CCSER1: variants seen among roughly 807,000 people sequenced by gnomAD.
CCSER1 encodes the protein coiled-coil serine rich protein 1.
CCSER1 carries 41 observed loss-of-function variants against 82.0 expected under a neutral mutation model. The ratio of observed to expected loss-of-function variants is 0.50; its 90% CI spans 0.39 to 0.65. The LOEUF is 0.65. Among genes scored for constraint, CCSER1 ranks in the 30% least tolerant of loss-of-function variants. CCSER1 has a pLI of 0.00. For synonymous variants in CCSER1, 414 were observed against 383.9 expected (o/e 1.08, Z -0.92); for missense variants, 1,119 against 1,064.2 (o/e 1.05, Z -0.72).
At chr4:91,521,708 C>T (rs1050133451) in intron 10 of CCSER1, among the ~76,000 whole-genome samples, 1 of 152,118 alleles carries the variant, frequency 6.6e-6, no homozygotes, top group Admixed American at 6.5e-5. Flanking sequence ...ATATTCTTTG[C>T]CCACTTTTTG....
At chr4:91,303,550 C>G (rs1744824602) in intron 10 of CCSER1, among the ~76,000 whole-genome samples, 1 of 151,962 alleles carries the variant, frequency 6.6e-6, no homozygotes, top group South Asian at 2.1e-4. Context: ...CTTTGGGAGG[C>G]TGAAGTGGGA....
chr4:90,916,920 A>G (rs1237471464), intron 8 of CCSER1, among the ~76,000 whole-genome samples: 2 of 152,180 alleles, frequency 1.3e-5, no homozygotes, highest in Admixed American at 6.5e-5. Flanking sequence ...AAAAATGCTC[A>G]TCATCACTGG....
chr4:91,582,152 T>C (rs566090609), intron 10 of CCSER1, among the ~76,000 whole-genome samples: 2 of 151,750 alleles, frequency 1.3e-5, no homozygotes, highest in South Asian at 2.1e-4. Flanking sequence ...ATTTGAATAC[T>C]GCATGGCAGT....
chr4:90,333,546 C>A (rs183862795), intron 3 of CCSER1, among the ~76,000 whole-genome samples: 1 of 152,176 alleles, frequency 6.6e-6, no homozygotes, highest in African/African-American at 2.4e-5. Flanking sequence ...CAAGAAGAGA[C>A]ATGCCTGGTC....
rs76861406 is a variant in CCSER1, at chr4:90,892,813, C to T, written c.2095-30557C>T. ...ACACATTAGTATACCACATTTATTT[C>T]GCCTTGTGTTCTCTTCACCTCCCAT... is the stretch of plus-strand genomic sequence containing the variant. On this transcript the variant is annotated intron_variant, in intron 8 of 10. Coordinates refer to ENST00000509176, the MANE Select transcript of CCSER1 (RefSeq NM_001145065.2). Among the ~76,000 whole-genome samples, 102 of 152,108 alleles carry T rather than the reference C, an allele frequency of 6.7e-4. 1 individual carries two copies. The East Asian group carries it at 8.1e-3, about 12-fold the overall frequency.
chr4:90,232,415 G>A (rs1240066489), intron 1 of CCSER1, among the ~76,000 whole-genome samples: 2 of 152,120 alleles, frequency 1.3e-5, no homozygotes, highest in Non-Finnish European at 2.9e-5. Flanking sequence ...AAACTGGCTA[G>A]CCATATGTAG....
chr4:91,230,897 C>T lies in CCSER1; in HGVS notation c.2217+144903C>T, dbSNP rs190554575. On this transcript the variant is annotated intron_variant, in intron 10 of 10. Transcript: ENST00000509176. Reference sequence around the variant, plus strand: ...AAAACACATAAACAATGAAATTTTACCACAAATCCATCAGATTGGCAGAAA... The same window carrying T: ...AAAACACATAAACAATGAAATTTTATCACAAATCCATCAGATTGGCAGAAA... Among the ~76,000 whole-genome samples the T allele has an allele frequency of 7.1e-4, 107 of 151,730 alleles. No homozygotes were observed. In the Middle Eastern group the frequency reaches 0.017, roughly 24 times the overall value.
chr4:90,200,487 A>G (rs140968951), intron 1 of CCSER1, among the ~76,000 whole-genome samples: 171 of 152,022 alleles, frequency 1.1e-3, no homozygotes, highest in Middle Eastern at 6.8e-3. Context: ...TTAGAAAATC[A>G]TACAAAAAAA....
At chr4:91,209,396 A>C (rs1485997867) in intron 10 of CCSER1, among the ~76,000 whole-genome samples, 3 of 151,926 alleles carry the variant, frequency 2.0e-5, no homozygotes, top group Admixed American at 2.0e-4. Context: ...TTCAGTGCCT[A>C]GTTTATTGAA....
chr4:90,698,301 C>T (rs1193641733), intron 6 of CCSER1, among the ~76,000 whole-genome samples: 1 of 152,116 alleles, frequency 6.6e-6, no homozygotes, highest in African/African-American at 2.4e-5. Context: ...TGACATTGAA[C>T]TCCTTTAGCA....
intron 6 of CCSER1, among the ~76,000 whole-genome samples, chr4:90,715,754 A>C (rs936446977): frequency 2.0e-5 from 3 of 152,056 alleles, no homozygotes; most frequent in Non-Finnish European, 2.9e-5. Flanking sequence ...CCTTATGTGG[A>C]TGTGTATACT....
chr4:90,561,105 G>A (rs1346279960), intron 5 of CCSER1, among the ~76,000 whole-genome samples: 1 of 152,144 alleles, frequency 6.6e-6, no homozygotes, highest in Non-Finnish European at 1.5e-5. Flanking sequence ...CCACTGCCAT[G>A]GACGTTCATA....
At chr4:91,299,024 A>T (rs959585792) in intron 10 of CCSER1, among the ~76,000 whole-genome samples, 1 of 151,956 alleles carries the variant, frequency 6.6e-6, no homozygotes, top group African/African-American at 2.4e-5. Context: ...TAAATAAAAA[A>T]TGTTGTGGGT....
chr4:90,225,893 T>C (rs559952844), intron 1 of CCSER1, among the ~76,000 whole-genome samples: 17 of 152,346 alleles, frequency 1.1e-4, no homozygotes, highest in African/African-American at 4.1e-4. Flanking sequence ...TTTCCTCCTC[T>C]TGAACCCAGG....
intron 10 of CCSER1, among the ~76,000 whole-genome samples, chr4:91,440,303 T>G (rs1025271013): frequency 3.3e-5 from 5 of 152,112 alleles, no homozygotes; most frequent in Non-Finnish European, 7.4e-5. Context: ...AACTGAGGAT[T>G]AAGAAACTCA....
chr4:91,233,241 A>G (rs1490603293), intron 10 of CCSER1, among the ~76,000 whole-genome samples: 1 of 151,962 alleles, frequency 6.6e-6, no homozygotes, highest in Non-Finnish European at 1.5e-5. Flanking sequence ...GTACTCACTT[A>G]TTGATTAAAC....
chr4:90,642,914 A>G (rs543826012), intron 6 of CCSER1, among the ~76,000 whole-genome samples: 12 of 152,168 alleles, frequency 7.9e-5, no homozygotes, highest in Admixed American at 7.2e-4. Context: ...TTTTAAAGTA[A>G]AAGTGCTCAA....
intron 5 of CCSER1, among the ~76,000 whole-genome samples, chr4:90,584,703 T>C (rs993871506): frequency 2.0e-5 from 3 of 152,230 alleles, no homozygotes; most frequent in Non-Finnish European, 4.4e-5. Context: ...CTAGCACACT[T>C]TTAATATAGA....
At chr4:91,155,627 A>T (rs1730737715) in intron 10 of CCSER1, among the ~76,000 whole-genome samples, 1 of 151,986 alleles carries the variant, frequency 6.6e-6, no homozygotes. Context: ...CTTATGAATG[A>T]TATAGAATGA....
Sources: gnomAD v4.1 joint callset for allele counts (sites outside exome capture counted in the v4.1 genomes callset) on GRCh38, gnomAD v4.1.1 for gene constraint, MANE v1.5 for transcripts, NCBI Gene and HGNC (gene_info 2026-07-23, HGNC 2026-07-21) for gene names.